LRRC4B: variants seen among roughly 807,000 people sequenced by gnomAD.
The protein encoded by LRRC4B is leucine-rich repeat-containing protein 4B.
A neutral mutation model predicts 7.3 loss-of-function variants in LRRC4B; 1 was observed. The ratio of observed to expected loss-of-function variants is 0.14; its 90% CI spans 0.05 to 0.65. The LOEUF (loss-of-function observed/expected upper bound fraction) is 0.65, where lower values mean the gene tolerates loss of function less well. Among genes scored for constraint, LRRC4B ranks in the 30% least tolerant of loss-of-function variants. LRRC4B has a pLI of 0.84. For missense variants in LRRC4B, 730 were observed against 1,041.6 expected, an observed-to-expected ratio of 0.70 and a Z score of 4.12; for synonymous variants, 500 against 499.2, an observed-to-expected ratio of 1.00 and a Z score of -0.02.
chr19:50,553,534 C>A lies in LRRC4B; in HGVS notation c.-35-4661G>T, dbSNP rs1982172460. 6.6e-6 allele frequency among the ~76,000 whole-genome samples: 1 copy of A among 152,202 alleles called. No homozygotes were observed. The highest frequency in any genetic ancestry group is 1.5e-5 in the Non-Finnish European group (1 of 68,038). ...TGCCGGTTGTCCACAGGGCTCTTGC[C>A]CTGCTCTCTATCAGGTCCGTGCTCC... On this transcript the variant is annotated intron_variant, in intron 1 of 2. Coordinates refer to ENST00000652263, the MANE Select transcript of LRRC4B (RefSeq NM_001080457.2). This position sits in a 1 kb window ranked among gnomAD's most constrained non-coding sequence, Gnocchi z 4.2.
intron 1 of LRRC4B, among the ~76,000 whole-genome samples, chr19:50,551,233 C>G (rs1034941828): frequency 6.6e-6 from 1 of 151,848 alleles, no homozygotes; most frequent in Non-Finnish European, 1.5e-5. Context: ...GCGCCCAGGC[C>G]CCCCCCTCCA....
At chr19:50,532,386 C>T (rs2122828916) in intron 2 of LRRC4B, among the ~76,000 whole-genome samples, 1 of 152,338 alleles carries the variant, frequency 6.6e-6, no homozygotes, top group East Asian at 1.9e-4. Context: ...CTCCCAGCCT[C>T]CCATGGCTAT....
chr19:50,558,833 C>G (rs1982368010), intron 1 of LRRC4B, among the ~76,000 whole-genome samples: 1 of 152,256 alleles, frequency 6.6e-6, no homozygotes, highest in Admixed American at 6.5e-5. Flanking sequence ...CCCTGCCCAG[C>G]TACCTCACAG....
At chr19:50,525,191 T>C (rs557856111) in intron 2 of LRRC4B, among the ~76,000 whole-genome samples, 1 of 152,288 alleles carries the variant, frequency 6.6e-6, no homozygotes, top group East Asian at 1.9e-4. Context: ...TTGAGCTCTC[T>C]GTACCTCTGG....
At position 50,518,699 on chromosome 19, in the gene LRRC4B, G is replaced by A. The variant is rs1323883945; in HGVS notation, c.1014C>T (p.Ala338=). 1 of 1,613,848 alleles carries A rather than the reference G, an allele frequency of 6.2e-7. No individual in the cohort carries two copies. The highest frequency in any genetic ancestry group is 8.5e-7 in the Non-Finnish European group (1 of 1,179,922). ...TGAGGCCGGCGGGCGCATGACAGCG[G>A]GCGCAGCACGTCGTGTTGCTGGGCA... The part of the protein sequence containing the change: ...ETVPSNTTCC[A]RCHAPAGLKG... Residue 338 remains alanine, a synonymous_variant, in exon 3 of 3, where the codon GCC becomes GCT. Coordinates refer to ENST00000652263, the MANE Select transcript of LRRC4B (RefSeq NM_001080457.2).
chr19:50,566,669 G>C (rs1265826731), intron 1 of LRRC4B, among the ~76,000 whole-genome samples: 1 of 151,890 alleles, frequency 6.6e-6, no homozygotes, highest in African/African-American at 2.4e-5. Context: ...GGACCCCAGG[G>C]AGGCAGGGGC....
At chr19:50,536,287 C>A (rs565424022) in intron 2 of LRRC4B, among the ~76,000 whole-genome samples, 36 of 152,268 alleles carry the variant, frequency 2.4e-4, no homozygotes, top group African/African-American at 8.7e-4. Flanking sequence ...TAACACATCA[C>A]CACACCTGGC....
At chr19:50,530,931 G>GA (rs372324742) in intron 2 of LRRC4B, among the ~76,000 whole-genome samples, 1 of 132,384 alleles carries the variant, frequency 7.6e-6, no homozygotes, top group Admixed American at 7.1e-5. Context: ...AGAAACCTGG[G>GA]GGGGGGGGGT....
In LRRC4B at chr19:50,548,503, C is replaced by A; in HGVS notation, c.297+39G>T. 6.4e-7 allele frequency: 1 copy of A among 1,560,202 alleles called. No homozygotes were observed. Among genetic ancestry groups the A allele is most frequent in the South Asian group, 1.2e-5 (1 of 85,860 alleles). ...CTACATCTGCATGCCTCCCCAGTGT[C>A]CCCTCCAAGGTCCCCCTCTGCCCGC... On this transcript the variant is annotated intron_variant, in intron 2 of 2. Coordinates refer to ENST00000652263, the MANE Select transcript of LRRC4B (RefSeq NM_001080457.2). This position sits in a 1 kb window ranked among gnomAD's most constrained non-coding sequence, Gnocchi z 6.8.
intron 2 of LRRC4B, among the ~76,000 whole-genome samples, chr19:50,538,565 T>G (rs1431173098): frequency 8.4e-6 from 1 of 119,168 alleles, no homozygotes; most frequent in African/African-American, 5.0e-5. Context: ...TCTTGTTTTT[T>G]TTTTTTTTTT....
At chr19:50,551,830 T>C (rs1292481731) in intron 1 of LRRC4B, among the ~76,000 whole-genome samples, 1 of 151,766 alleles carries the variant, frequency 6.6e-6, no homozygotes, top group African/African-American at 2.4e-5. Flanking sequence ...CACACGGCAG[T>C]GCAGAGCCAA....
chr19:50,557,347 G>A (rs959235135), intron 1 of LRRC4B, among the ~76,000 whole-genome samples: 1 of 152,134 alleles, frequency 6.6e-6, no homozygotes, highest in African/African-American at 2.4e-5. Flanking sequence ...ACTCACAGGC[G>A]GTGCCTCGCT....
At chr19:50,565,758 C>T (rs1277473048) in intron 1 of LRRC4B, among the ~76,000 whole-genome samples, 1 of 152,046 alleles carries the variant, frequency 6.6e-6, no homozygotes. Context: ...CCCACCCTCC[C>T]TGAGTCTGTG....
At chr19:50,559,999 G>T (rs1158131501) in intron 1 of LRRC4B, among the ~76,000 whole-genome samples, 1 of 152,202 alleles carries the variant, frequency 6.6e-6, no homozygotes, top group African/African-American at 2.4e-5. Context: ...GCTGGGCGTG[G>T]AGGCACCTGC....
intron 2 of LRRC4B, among the ~76,000 whole-genome samples, chr19:50,530,241 C>T (rs184669538): frequency 6.6e-6 from 1 of 152,304 alleles, no homozygotes; most frequent in Admixed American, 6.5e-5. Context: ...TGCCTCTGCC[C>T]TCCTCTAGAC....
At chr19:50,529,666 G>A (rs1203619811) in intron 2 of LRRC4B, among the ~76,000 whole-genome samples, 3 of 152,170 alleles carry the variant, frequency 2.0e-5, no homozygotes, top group Non-Finnish European at 4.4e-5. Flanking sequence ...TTAGCTGGGC[G>A]TGATGATGCA....
chr19:50,567,100 G>C (rs963446151), intron 1 of LRRC4B, among the ~76,000 whole-genome samples: 1 of 150,682 alleles, frequency 6.6e-6, no homozygotes, highest in African/African-American at 2.4e-5. Flanking sequence ...CAGGTGTGAG[G>C]GTCGGAAGCC....
intron 1 of LRRC4B, among the ~76,000 whole-genome samples, chr19:50,565,917 A>G (rs1453962265): frequency 6.6e-6 from 1 of 151,724 alleles, no homozygotes; most frequent in East Asian, 2.0e-4. Context: ...TGTGTTTCGG[A>G]GGCTGGGTCC....
chr19:50,530,623 C>T lies in LRRC4B; in HGVS notation c.298-11208G>A, dbSNP rs367558808. On this transcript the variant is annotated intron_variant, in intron 2 of 2. Transcript: ENST00000652263. ...AAAGGACCTCACAACGTCAGCCTTG[C>T]GAGCTGCTCTGAAGGCTTGAGGTGA... Among the ~76,000 whole-genome samples, 49 of 152,282 alleles carry T rather than the reference C, an allele frequency of 3.2e-4. No homozygotes were observed. In the East Asian group the frequency reaches 4.8e-3, roughly 15 times the overall value.
Sources: gnomAD v4.1 joint callset for allele counts (sites outside exome capture counted in the v4.1 genomes callset) on GRCh38, gnomAD v4.1.1 for gene constraint, Gnocchi (gnomAD v3.1) non-coding constraint, MANE v1.5 for transcripts, NCBI Gene and HGNC (gene_info 2026-07-23, HGNC 2026-07-21) for gene names.